USP53: variants seen among roughly 807,000 people sequenced by gnomAD.
The protein encoded by USP53 is ubiquitin carboxyl-terminal hydrolase 53.
A neutral mutation model predicts 94.9 loss-of-function variants in USP53; 71 were observed. That is an observed-to-expected ratio of 0.75 (90% CI 0.62 to 0.91). USP53 has a LOEUF of 0.91. Among genes scored for constraint, USP53 ranks in the 40% least tolerant of loss-of-function variants. The pLI, the probability that USP53 is intolerant of heterozygous loss-of-function variation, is 0.00. For synonymous variants in USP53, 375 were observed against 422.7 expected, an observed-to-expected ratio of 0.89 and a Z score of 1.39; for missense variants, 1,173 against 1,281.0, an observed-to-expected ratio of 0.92 and a Z score of 1.29.
chr4:119,239,699 T>C lies in USP53; in HGVS notation c.-61T>C. The C allele has an allele frequency of 1.3e-6, 2 of 1,529,024 alleles. No homozygotes were observed. The highest frequency in any genetic ancestry group is 1.8e-6 in the Non-Finnish European group (2 of 1,137,872). 94.7% of individuals were successfully genotyped at this position (1,529,024 alleles called of 1,614,324 possible). Reference sequence around the variant, plus strand: ...ACAATTCAAGACATCCATTTTATTGTCCAAAATATTACATAAAAGTGTACA... The same window carrying C: ...ACAATTCAAGACATCCATTTTATTGCCCAAAATATTACATAAAAGTGTACA... On this transcript the variant is annotated 5_prime_UTR_variant, in exon 5 of 19. Transcript: ENST00000692078.
chr4:119,275,954 C>T (rs1217863074), intron 17 of USP53, among the ~76,000 whole-genome samples: 44 of 137,284 alleles, frequency 3.2e-4, no homozygotes, highest in African/African-American at 5.1e-4. Context: ...ATTTTGTATC[C>T]TGAGACTTTG....
At chr4:119,260,360 A>G (rs1750342068) in intron 10 of USP53, 147 bp from the exon 11 acceptor site, 2 of 532,258 alleles carry the variant, frequency 3.8e-6, no homozygotes, top group Non-Finnish European at 6.0e-6. Context: ...ATCAATAATT[A>G]AGACAAACAG....
At chr4:119,261,434 T>C (rs1487864449) in intron 11 of USP53, among the ~76,000 whole-genome samples, 1 of 152,242 alleles carries the variant, frequency 6.6e-6, no homozygotes, top group Non-Finnish European at 1.5e-5. Flanking sequence ...AATTTCTTTA[T>C]GAAAAGTGTC....
chr4:119,292,281 C>A, intron 18 of USP53, 57 bp from the exon 19 acceptor site: 1 of 1,451,950 alleles, frequency 6.9e-7, no homozygotes, highest in Non-Finnish European at 9.1e-7. Context: ...TTATTTTCCC[C>A]TAGTTTCATA....
chr4:119,277,944 A>T (rs1171790106), intron 17 of USP53, among the ~76,000 whole-genome samples: 3 of 130,594 alleles, frequency 2.3e-5, no homozygotes, highest in Middle Eastern at 7.4e-3. Flanking sequence ...TTTGTTTTCC[A>T]TTGGCTTGGT....
At chr4:119,245,139 T>C (rs1252315695) in intron 5 of USP53, among the ~76,000 whole-genome samples, 198 bp from the exon 6 acceptor site, 1 of 152,202 alleles carries the variant, frequency 6.6e-6, no homozygotes, top group African/African-American at 2.4e-5. Context: ...AATCCAACTT[T>C]TATATATGCA....
chr4:119,231,809 G>T (rs753193654), intron 3 of USP53, among the ~76,000 whole-genome samples: 7 of 152,092 alleles, frequency 4.6e-5, no homozygotes, highest in Non-Finnish European at 7.4e-5. Context: ...TAGATTTTGT[G>T]ATGACGTGTA....
At chr4:119,259,588 T>C (rs1750221952) in intron 9 of USP53, among the ~76,000 whole-genome samples, 1 of 151,024 alleles carries the variant, frequency 6.6e-6, no homozygotes, top group African/African-American at 2.5e-5. Context: ...TCCAAACATA[T>C]AATTTTGTGT....
Position 119,216,870 on chromosome 4 carries a change from G to A in USP53, c.-788-680G>A, listed in dbSNP as rs150608680. Among the ~76,000 whole-genome samples the A allele has an allele frequency of 3.3e-3, 497 of 152,214 alleles. 8 individuals carry two copies. Among genetic ancestry groups the A allele is most frequent in the African/African-American group, 5.8e-4 (24 of 41,556 alleles). On this transcript the variant is annotated intron_variant, in intron 2 of 18. Coordinates refer to ENST00000692078, the MANE Select transcript of USP53 (RefSeq NM_001371395.1). ...TGGAGTATAAAATATATAATACAGC[G>A]TCTGCTTTTTTCTAAATCCTTGTTG... is the stretch of plus-strand genomic sequence containing the variant.
chr4:119,291,697 A>G (rs1003423068), intron 18 of USP53, among the ~76,000 whole-genome samples: 5 of 152,164 alleles, frequency 3.3e-5, no homozygotes, highest in African/African-American at 1.2e-4. Flanking sequence ...CTATTACCTA[A>G]AGATAATCTT....
rs1450874618 is a variant in USP53 at position 119,294,264 on chromosome 4, T to C, written c.*1053T>C. The C allele has an allele frequency of 6.6e-6, 1 of 152,108 alleles. No individual in the cohort carries two copies. The highest frequency in any genetic ancestry group is 1.5e-5 in the Non-Finnish European group (1 of 67,956). 9.4% of individuals were successfully genotyped at this position (152,108 alleles called of 1,614,324 possible). A position where few individuals can be genotyped will look rare whatever the true frequency, so the allele number is the denominator to read the frequency against. Reference sequence around the variant, plus strand: ...CCCATTTTATCTGAATTTGAAAATCTATCTAGGTTTCCAGATTAAATTTCT... The same window carrying C: ...CCCATTTTATCTGAATTTGAAAATCCATCTAGGTTTCCAGATTAAATTTCT... On this transcript the variant is annotated 3_prime_UTR_variant, in exon 19 of 19. Transcript: ENST00000692078.
chr4:119,234,125 A>G (rs985851842), intron 3 of USP53, among the ~76,000 whole-genome samples: 3 of 152,160 alleles, frequency 2.0e-5, no homozygotes, highest in East Asian at 1.9e-4. Flanking sequence ...TCCTGATATA[A>G]TAATCTCCTG....
At chr4:119,260,956 T>C (rs1750432943) in intron 11 of USP53, among the ~76,000 whole-genome samples, 2 of 11,746 alleles carry the variant, frequency 1.7e-4, no homozygotes, top group Non-Finnish European at 1.6e-4. Context: ...CTCTCTTTTT[T>C]TTTTTTTTTT....
intron 9 of USP53, among the ~76,000 whole-genome samples, chr4:119,258,689 A>G (rs1750080195): frequency 6.6e-6 from 1 of 152,196 alleles, no homozygotes; most frequent in Non-Finnish European, 1.5e-5. Flanking sequence ...ATGAGAGTCA[A>G]GCAAAAGGTG....
intron 14 of USP53, among the ~76,000 whole-genome samples, chr4:119,268,745 T>C (rs1220367214): frequency 6.6e-6 from 1 of 152,252 alleles, no homozygotes; most frequent in East Asian, 1.9e-4. Flanking sequence ...GAGTTAGTAA[T>C]TTGGCATAAA....
chr4:119,255,598 G>A (rs192744710), intron 7 of USP53, among the ~76,000 whole-genome samples: 27 of 152,320 alleles, frequency 1.8e-4, no homozygotes, highest in African/African-American at 3.8e-4. Flanking sequence ...TGGTAAGACC[G>A]TGGGAGAAGC....
chr4:119,282,336 A>G (rs1166221911), intron 17 of USP53, among the ~76,000 whole-genome samples: 1 of 152,050 alleles, frequency 6.6e-6, no homozygotes, highest in East Asian at 1.9e-4. Context: ...TATACCCAAA[A>G]GTGCAGTTGC....
chr4:119,292,614 A>G lies in USP53; in HGVS notation c.2625A>G (p.Glu875=). 6.2e-7 allele frequency: 1 copy of G among 1,614,072 alleles called. No homozygotes were observed. Among genetic ancestry groups the G allele is most frequent in the Non-Finnish European group, 8.5e-7 (1 of 1,179,952 alleles). ...TAAGAACTGTTGGGTTAAAGCCAGA[A>G]ACTGCTCCTCTCATCCAGCAACAAA... ...SHLRTVGLKP[E]TAPLIQQQNI... is the part of the protein sequence containing the mutation. Residue 875 remains glutamate, a synonymous_variant, in exon 19 of 19, where the codon GAA becomes GAG. Coordinates refer to ENST00000692078, the MANE Select transcript of USP53 (RefSeq NM_001371395.1).
At chr4:119,229,694 A>C (rs1745793290) in intron 3 of USP53, among the ~76,000 whole-genome samples, 1 of 151,962 alleles carries the variant, frequency 6.6e-6, no homozygotes, top group Admixed American at 6.6e-5. Flanking sequence ...GGCCTATGTC[A>C]TCTCTCCTGT....
Sources: gnomAD v4.1 joint callset for allele counts (sites outside exome capture counted in the v4.1 genomes callset) on GRCh38, gnomAD v4.1.1 for gene constraint, MANE v1.5 for transcripts, NCBI Gene and HGNC (gene_info 2026-07-23, HGNC 2026-07-21) for gene names.